The following CDKAL1 variants were observed in gnomAD, a reference collection of about 807,000 sequenced individuals.
CDKAL1 encodes threonylcarbamoyladenosine tRNA methylthiotransferase.
Under a neutral mutation model 68.2 loss-of-function variants are expected in CDKAL1, and 32 were observed. That is an observed-to-expected ratio of 0.47 (90% CI 0.35 to 0.63). The LOEUF (loss-of-function observed/expected upper bound fraction) is 0.63, where lower values mean the gene tolerates loss of function less well. Ranked by LOEUF, CDKAL1 falls within the 30% of genes least tolerant of loss-of-function variation. The pLI is 0.00. For missense variants in CDKAL1, 606 were observed against 696.7 expected, an observed-to-expected ratio of 0.87 and a Z score of 1.47; for synonymous variants, 234 against 244.3, an observed-to-expected ratio of 0.96 and a Z score of 0.39.
intron 10 of CDKAL1, among the ~76,000 whole-genome samples, chr6:20,971,682 T>C (rs1765612055): frequency 6.6e-6 from 1 of 152,198 alleles, no homozygotes; most frequent in African/African-American, 2.4e-5. Flanking sequence ...CATTATTGTA[T>C]TGAAGTGTTT....
chr6:21,106,180 A>G (rs1773835012), intron 12 of CDKAL1, among the ~76,000 whole-genome samples: 1 of 152,256 alleles, frequency 6.6e-6, no homozygotes, highest in South Asian at 2.1e-4. Flanking sequence ...GAATATGATT[A>G]TATTAAAAAA....
chr6:20,824,864 A>G (rs1469069754), intron 8 of CDKAL1, among the ~76,000 whole-genome samples: 1 of 152,200 alleles, frequency 6.6e-6, no homozygotes, highest in Non-Finnish European at 1.5e-5. Context: ...TCTGTATAGA[A>G]GTGCTATGAT....
intron 15 of CDKAL1, among the ~76,000 whole-genome samples, chr6:21,205,830 C>CTTTTTT (rs34849597): frequency 1.8e-4 from 12 of 66,602 alleles, no homozygotes; most frequent in African/African-American, 9.6e-4. Flanking sequence ...CGCGCCCAGC[C>CTTTTTT]TTTTTTTTTT....
chr6:20,570,486 C>T (rs1292774910), intron 4 of CDKAL1, among the ~76,000 whole-genome samples: 8 of 147,154 alleles, frequency 5.4e-5, no homozygotes, highest in South Asian at 2.2e-4. Context: ...CTGCAACCCC[C>T]GCCTCCTGGG....
At chr6:21,042,834 T>C (rs192904771) in intron 11 of CDKAL1, among the ~76,000 whole-genome samples, 44 of 152,330 alleles carry the variant, frequency 2.9e-4, no homozygotes, top group Non-Finnish European at 5.9e-4. Context: ...CCTTGTTAGC[T>C]ATATTACGAT....
chr6:20,707,819 A>G (rs1005802750), intron 5 of CDKAL1, among the ~76,000 whole-genome samples: 1 of 152,220 alleles, frequency 6.6e-6, no homozygotes, highest in African/African-American at 2.4e-5. Flanking sequence ...GTTTATGCTT[A>G]AAGAAATCTT....
chr6:21,133,314 T>G (rs188064029), intron 13 of CDKAL1, among the ~76,000 whole-genome samples: 17 of 152,234 alleles, frequency 1.1e-4, no homozygotes, highest in Non-Finnish European at 1.9e-4. Context: ...TTAAACAGCT[T>G]CTTCTTCTTT....
At chr6:21,166,183 C>T (rs1415774625) in intron 13 of CDKAL1, among the ~76,000 whole-genome samples, 3 of 151,972 alleles carry the variant, frequency 2.0e-5, no homozygotes, top group South Asian at 4.1e-4. Flanking sequence ...AGGGGGTAGT[C>T]GTAGGGATAC....
chr6:20,658,071 G>A (rs539443295), intron 5 of CDKAL1, among the ~76,000 whole-genome samples: 1 of 152,168 alleles, frequency 6.6e-6, no homozygotes, highest in African/African-American at 2.4e-5. Context: ...CTTAATGATA[G>A]TATCAAATCA....
At chr6:21,230,442 G>A (rs763366019) in intron 15 of CDKAL1, among the ~76,000 whole-genome samples, 18 of 152,230 alleles carry the variant, frequency 1.2e-4, no homozygotes, top group South Asian at 2.1e-4. Context: ...GATTACAGGC[G>A]TGAGCCACCA....
intron 15 of CDKAL1, among the ~76,000 whole-genome samples, chr6:21,205,866 GCT>G (rs1218829446): frequency 9.8e-5 from 10 of 101,628 alleles, no homozygotes; most frequent in Admixed American, 5.7e-4. Context: ...ACAGAGTCTT[GCT>G]CTGTCGCCCA....
chr6:21,198,966 G>T (rs763037002), intron 14 of CDKAL1, among the ~76,000 whole-genome samples: 4 of 152,240 alleles, frequency 2.6e-5, no homozygotes, highest in Admixed American at 6.5e-5. Flanking sequence ...ATGGTAGCCT[G>T]TGTCTCCCAT....
rs550453339 is a variant in CDKAL1, at chr6:20,731,736, G to A, written c.372-7783G>A. 7.2e-5 allele frequency among the ~76,000 whole-genome samples: 11 copies of A among 152,306 alleles called. No homozygotes were observed. In the East Asian group the frequency reaches 2.1e-3, roughly 29 times the overall value. ...TGTCTATCAGGTGACATAAATAGGC[G>A]TTGACAGTAATTTTCAGGGTATGAA... is the stretch of plus-strand genomic sequence containing the variant. On this transcript the variant is annotated intron_variant, in intron 5 of 15. Transcript: ENST00000274695.
chr6:21,071,622 G>C (rs10498700), intron 12 of CDKAL1, among the ~76,000 whole-genome samples: 27,033 of 151,828 alleles, frequency 0.18, 2,517 homozygotes, highest in East Asian at 0.32. Context: ...CTGGTCGTTT[G>C]TCTTTTTCTC....
At chr6:20,911,043 G>A (rs1762444890) in intron 9 of CDKAL1, among the ~76,000 whole-genome samples, 1 of 152,196 alleles carries the variant, frequency 6.6e-6, no homozygotes, top group East Asian at 1.9e-4. Flanking sequence ...AAGCCACCCT[G>A]TTCGTAGTAC....
chr6:20,611,506 G>A (rs566795250), intron 4 of CDKAL1, among the ~76,000 whole-genome samples: 1 of 152,250 alleles, frequency 6.6e-6, no homozygotes, highest in African/African-American at 2.4e-5. Context: ...GAATGAACAT[G>A]TTTGTTATGT....
chr6:20,707,473 T>C (rs75028510), intron 5 of CDKAL1, among the ~76,000 whole-genome samples: 2,284 of 152,230 alleles, frequency 0.015, 49 homozygotes, highest in African/African-American at 0.052. Context: ...ATCTACAACA[T>C]AAAAAAGAAA....
At chr6:20,746,484 A>G (rs1391698704) in intron 6 of CDKAL1, among the ~76,000 whole-genome samples, 2 of 152,202 alleles carry the variant, frequency 1.3e-5, no homozygotes, top group East Asian at 3.9e-4. Flanking sequence ...GCGTTGAAAC[A>G]CATTAAGCTA....
intron 11 of CDKAL1, among the ~76,000 whole-genome samples, chr6:21,043,383 G>T (rs1270887886): frequency 2.0e-5 from 3 of 151,950 alleles, no homozygotes; most frequent in Non-Finnish European, 4.4e-5. Flanking sequence ...GATTCAGTAT[G>T]AGGGGGATCT....
Sources: gnomAD v4.1 joint callset for allele counts (sites outside exome capture counted in the v4.1 genomes callset) on GRCh38, gnomAD v4.1.1 for gene constraint, MANE v1.5 for transcripts, NCBI Gene and HGNC (gene_info 2026-07-23, HGNC 2026-07-21) for gene names.